Variants in RPS6KC1 observed in about 807,000 individuals in gnomAD.
The protein encoded by RPS6KC1 is inactive ribosomal protein S6 kinase delta-1.
A neutral mutation model predicts 103.8 loss-of-function variants in RPS6KC1; 54 were observed. The observed-to-expected ratio is 0.52, with a 90% CI of 0.42 to 0.65. The LOEUF is 0.65. Among genes scored for constraint, RPS6KC1 ranks in the 30% least tolerant of loss-of-function variants. RPS6KC1 has a pLI of 0.00. For synonymous variants in RPS6KC1, 439 were observed against 438.7 expected (o/e 1.00, Z -0.01); for missense variants, 1,151 against 1,253.8 (o/e 0.92, Z 1.24).
the RPS6KC1 span, among the ~76,000 whole-genome samples, chr1:213,315,730 G>C: frequency 1.1e-4 from 16 of 152,038 alleles, no homozygotes; most frequent in African/African-American, 3.9e-4. Context: ...GCCCCCCACG[G>C]GCTTGTACAG....
At chr1:213,303,946 C>A in the RPS6KC1 span, among the ~76,000 whole-genome samples, 1 of 151,886 alleles carries the variant, frequency 6.6e-6, no homozygotes, top group Admixed American at 6.6e-5. Flanking sequence ...TGGCTCACGC[C>A]TGTAATCCCA....
the RPS6KC1 span, among the ~76,000 whole-genome samples, chr1:213,432,348 A>G: frequency 6.6e-6 from 1 of 152,212 alleles, no homozygotes; most frequent in Non-Finnish European, 1.5e-5. Flanking sequence ...AGTTAAAGAA[A>G]CAGTTACTTA....
At chr1:213,488,071 G>A in the RPS6KC1 span, among the ~76,000 whole-genome samples, 1 of 152,068 alleles carries the variant, frequency 6.6e-6, no homozygotes, top group East Asian at 1.9e-4. Context: ...CTCTCTCTGT[G>A]TATGCTCATA....
chr1:213,486,777 T>C, the RPS6KC1 span, among the ~76,000 whole-genome samples: 1 of 152,184 alleles, frequency 6.6e-6, no homozygotes, highest in Non-Finnish European at 1.5e-5. Flanking sequence ...GCCCGTGGGC[T>C]GGGAATACAA....
intron 7 of RPS6KC1, among the ~76,000 whole-genome samples, chr1:213,168,865 G>T (rs532591647): frequency 6.6e-6 from 1 of 152,046 alleles, no homozygotes; most frequent in Middle Eastern, 3.4e-3. Flanking sequence ...CTCATGATCT[G>T]CCCGCCTCAG....
chr1:213,805,031 G>A, the RPS6KC1 span, among the ~76,000 whole-genome samples: 2 of 152,192 alleles, frequency 1.3e-5, no homozygotes, highest in Non-Finnish European at 2.9e-5. Context: ...TCTACGAAGT[G>A]AGCAATAGCT....
chr1:213,816,246 G>A, the RPS6KC1 span, among the ~76,000 whole-genome samples: 12 of 152,210 alleles, frequency 7.9e-5, no homozygotes, highest in Non-Finnish European at 1.6e-4. Flanking sequence ...CACAGAGTGA[G>A]CATGTGATAT....
the RPS6KC1 span, among the ~76,000 whole-genome samples, chr1:213,711,575 T>C: frequency 6.6e-6 from 1 of 152,192 alleles, no homozygotes; most frequent in African/African-American, 2.4e-5. Context: ...TGTGATCCTT[T>C]GGAGGAGAAG....
chr1:213,266,796 G>C (rs2094921180), intron 14 of RPS6KC1, among the ~76,000 whole-genome samples: 1 of 151,866 alleles, frequency 6.6e-6, no homozygotes, highest in African/African-American at 2.4e-5. Flanking sequence ...CCAGGTACTT[G>C]GGAGGCTGAG....
chr1:213,516,184 A>G, the RPS6KC1 span, among the ~76,000 whole-genome samples: 9 of 152,166 alleles, frequency 5.9e-5, no homozygotes, highest in Non-Finnish European at 1.3e-4. Context: ...AACAGGGACA[A>G]TTTGACTTCC....
intron 3 of RPS6KC1, among the ~76,000 whole-genome samples, chr1:213,090,031 A>G (rs532706138): frequency 6.6e-6 from 1 of 152,328 alleles, no homozygotes; most frequent in East Asian, 1.9e-4. Context: ...CACTGAGGAT[A>G]TCATGATGCA....
At chr1:213,692,388 C>CAA in the RPS6KC1 span, among the ~76,000 whole-genome samples, 44,358 of 134,306 alleles carry the variant, frequency 0.33, 7,056 homozygotes, top group East Asian at 0.43. Context: ...GACTCTGTCT[C>CAA]AAAAAAAAAA....
At chr1:213,590,736 C>T in the RPS6KC1 span, among the ~76,000 whole-genome samples, 2 of 151,998 alleles carry the variant, frequency 1.3e-5, no homozygotes, top group Non-Finnish European at 2.9e-5. Context: ...GACTAACATC[C>T]TAGGACTGCC....
chr1:213,851,911 C>G, the RPS6KC1 span, among the ~76,000 whole-genome samples: 1 of 152,176 alleles, frequency 6.6e-6, no homozygotes, highest in East Asian at 1.9e-4. Flanking sequence ...CTATTCTTCT[C>G]TCTCCCACAG....
the RPS6KC1 span, among the ~76,000 whole-genome samples, chr1:213,789,262 A>T: frequency 6.6e-6 from 1 of 152,186 alleles, no homozygotes; most frequent in African/African-American, 2.4e-5. Context: ...AAGGGCCAGG[A>T]TGGTGTCTAT....
the RPS6KC1 span, among the ~76,000 whole-genome samples, chr1:213,524,279 C>T: frequency 6.6e-6 from 1 of 152,050 alleles, no homozygotes; most frequent in East Asian, 1.9e-4. Context: ...CTTCCCTGCT[C>T]CTCACCATCA....
chr1:213,490,547 G>A, the RPS6KC1 span, among the ~76,000 whole-genome samples: 3 of 152,092 alleles, frequency 2.0e-5, no homozygotes, highest in African/African-American at 4.8e-5. Context: ...ACAATGGTTC[G>A]GCTTCCAGTG....
chr1:213,757,918 A>G, the RPS6KC1 span, among the ~76,000 whole-genome samples: 196 of 152,318 alleles, frequency 1.3e-3, no homozygotes, highest in Middle Eastern at 3.4e-3. Context: ...TGCTCTATCA[A>G]TGGAGCTACA....
At chr1:213,805,620 A>G in the RPS6KC1 span, among the ~76,000 whole-genome samples, 1 of 152,200 alleles carries the variant, frequency 6.6e-6, no homozygotes, top group Non-Finnish European at 1.5e-5. Flanking sequence ...TACTTCCTCC[A>G]ATGAAGTCTT....
Sources: gnomAD v4.1 joint callset for allele counts (sites outside exome capture counted in the v4.1 genomes callset) on GRCh38, gnomAD v4.1.1 for gene constraint, MANE v1.5 for transcripts, NCBI Gene and HGNC (gene_info 2026-07-23, HGNC 2026-07-21) for gene names.